RNF130: variants seen among roughly 807,000 people sequenced by gnomAD.
RNF130 encodes the protein ring finger protein 130.
RNF130 carries 21 observed loss-of-function variants against 44.6 expected under a neutral mutation model. The ratio of observed to expected loss-of-function variants is 0.47; its 90% CI spans 0.33 to 0.68. The LOEUF is 0.68. Among genes scored for constraint, RNF130 ranks in the 30% least tolerant of loss-of-function variants. The pLI, the probability that RNF130 is intolerant of heterozygous loss-of-function variation, is 0.02. For missense variants in RNF130, 479 were observed against 560.6 expected, an observed-to-expected ratio of 0.85 and a Z score of 1.47; for synonymous variants, 214 against 210.4, an observed-to-expected ratio of 1.02 and a Z score of -0.15.
chr5:180,033,683 G>A (rs962846529), intron 2 of RNF130, among the ~76,000 whole-genome samples: 7 of 108,116 alleles, frequency 6.5e-5, no homozygotes, highest in African/African-American at 1.5e-4. Flanking sequence ...GCAACAGAGC[G>A]AGACTCTGCC....
chr5:179,956,732 C>T (rs1384249098), intron 8 of RNF130, among the ~76,000 whole-genome samples: 1 of 152,244 alleles, frequency 6.6e-6, no homozygotes, highest in East Asian at 1.9e-4. Flanking sequence ...GGCAGCTCCG[C>T]AGGCATGACC....
At chr5:179,994,189 TGCG>T in intron 3 of RNF130, among the ~76,000 whole-genome samples, 1 of 151,804 alleles carries the variant, frequency 6.6e-6, no homozygotes, top group East Asian at 1.9e-4. Flanking sequence ...TTTTGGCTTA[TGCG>T]GGCTCTTTTT....
chr5:179,992,871 CTCT>C (rs1479607183), intron 3 of RNF130, among the ~76,000 whole-genome samples: 1 of 152,188 alleles, frequency 6.6e-6, no homozygotes, highest in Non-Finnish European at 1.5e-5. Flanking sequence ...CTATCCCTCC[CTCT>C]TCCCCCCAAC....
At chr5:180,029,935 GC>G (rs1431275017) in intron 2 of RNF130, among the ~76,000 whole-genome samples, 1 of 150,320 alleles carries the variant, frequency 6.7e-6, no homozygotes, top group Non-Finnish European at 1.5e-5. Flanking sequence ...TGAAACCTCT[GC>G]CTCCTGGGTT....
chr5:180,028,840 T>C (rs1369672977), intron 2 of RNF130, among the ~76,000 whole-genome samples: 10 of 152,124 alleles, frequency 6.6e-5, no homozygotes. Context: ...ACCAGGAGAA[T>C]GAAGAAAAAG....
chr5:179,944,570 T>C (rs1237335723), intron 7 of RNF130, among the ~76,000 whole-genome samples: 1 of 151,928 alleles, frequency 6.6e-6, no homozygotes, highest in African/African-American at 2.4e-5. Context: ...TTCAAGCAAT[T>C]TCTCCTGCCT....
In RNF130 at chr5:179,963,139, C is replaced by T. The variant is rs1215459335; in HGVS notation, c.1244+332G>A. 3.3e-5 allele frequency among the ~76,000 whole-genome samples: 5 copies of T among 152,228 alleles called. No homozygotes were observed. The East Asian group carries it at 5.8e-4, about 18-fold the overall frequency. On this transcript the variant is annotated intron_variant, in intron 8 of 8. Coordinates refer to ENST00000521389, the MANE Select transcript of RNF130 (RefSeq NM_018434.6). Reference sequence around the variant, plus strand: ...ACGCAAAGTGGGCTCTTCCCATCAGCGATGAGGATGCTGACAGCCTTTTAC... The same window carrying T: ...ACGCAAAGTGGGCTCTTCCCATCAGTGATGAGGATGCTGACAGCCTTTTAC...
chr5:179,975,727 G>C (rs1762703310), intron 5 of RNF130, among the ~76,000 whole-genome samples: 3 of 152,168 alleles, frequency 2.0e-5, no homozygotes, highest in African/African-American at 7.2e-5. Flanking sequence ...CAGTGACCCA[G>C]TACTGAAAGA....
chr5:180,057,800 A>G (rs973995338), intron 1 of RNF130, among the ~76,000 whole-genome samples: 2 of 152,186 alleles, frequency 1.3e-5, no homozygotes, highest in African/African-American at 4.8e-5. Context: ...CCTGAGTTCT[A>G]TGAGCTGTTA....
intron 7 of RNF130, chr5:179,939,478 C>G (rs764409393): frequency 1.5e-4 from 29 of 194,972 alleles, no homozygotes; most frequent in Non-Finnish European, 2.5e-4. Flanking sequence ...ACTTTGCATG[C>G]AAGCGCAGCA....
chr5:180,053,014 C>T (rs1764724025), intron 1 of RNF130, among the ~76,000 whole-genome samples: 1 of 152,126 alleles, frequency 6.6e-6, no homozygotes, highest in Non-Finnish European at 1.5e-5. Flanking sequence ...GATTTTATGT[C>T]AAGATAATGT....
intron 3 of RNF130, among the ~76,000 whole-genome samples, chr5:179,989,792 T>C (rs1484703363): frequency 6.6e-6 from 1 of 152,144 alleles, no homozygotes; most frequent in Non-Finnish European, 1.5e-5. Context: ...TGTAAATTCT[T>C]TGTTTTATTT....
intron 1 of RNF130, among the ~76,000 whole-genome samples, chr5:180,050,243 G>A (rs546909822): frequency 6.6e-6 from 1 of 152,192 alleles, no homozygotes; most frequent in Non-Finnish European, 1.5e-5. Flanking sequence ...GGGTGAGCTG[G>A]CAGGCTGGAG....
Position 179,933,398 on chromosome 5 carries a change from T to TTGTGTGTGTGTGTGTGTGTGTGTGTGTG in RNF130, c.1151-12973_1151-12972insCACACACACACACACACACACACACACA, listed in dbSNP as rs71001060. Among the ~76,000 whole-genome samples the TTGTGTGTGTGTGTGTGTGTGTGTGTGTG allele has an allele frequency of 8.4e-3, 1,200 of 143,464 alleles. 23 individuals are homozygous for TTGTGTGTGTGTGTGTGTGTGTGTGTGTG. The highest frequency in any genetic ancestry group is 0.025 in the African/African-American group (943 of 38,344). The allele number at this position is 143,464 out of a possible 152,430, so 94.1% of individuals were successfully genotyped here. ...ACTAACAATGTTCTCATAACCCTAT[T>TTGTGTGTGTGTGTGTGTGTGTGTGTGTG]TGTGTGTGTGTGTGTGTGTGTGTGA... On this transcript the variant is annotated intron_variant, in intron 7 of 7. Transcript: ENST00000522208.
In RNF130 at chr5:180,000,817, ATCTC is replaced by A. The variant is rs149911423; in HGVS notation, c.693+12240_693+12243del. On this transcript the variant is annotated intron_variant, in intron 3 of 8. Transcript: ENST00000521389. ...ATTGATTGTCTACACGTTTTCTTGT[ATCTC>A]TCTGAGTTTCCATACGATCATAATT... Among the ~76,000 whole-genome samples the A allele has an allele frequency of 3.1e-3, 479 of 152,274 alleles. 1 individual carries two copies. Among genetic ancestry groups the A allele is most frequent in the Non-Finnish European group, 5.5e-3 (373 of 68,016 alleles).
At chr5:179,933,419 T>TGTGTGTGTGTGTGTGTGTGTGTGTGA (rs1391165326) in intron 7 of RNF130, among the ~76,000 whole-genome samples, 1 of 151,930 alleles carries the variant, frequency 6.6e-6, no homozygotes, top group Non-Finnish European at 1.5e-5. Context: ...TGTGTGTGTG[T>TGTGTGTGTGTGTGTGTGTGTGTGTGA]GTGAGTGTGT....
intron 3 of RNF130, among the ~76,000 whole-genome samples, chr5:179,991,800 C>T (rs1808088): frequency 0.11 from 17,359 of 151,896 alleles, 2,154 homozygotes; most frequent in African/African-American, 0.32. Flanking sequence ...TACAAATCAC[C>T]ATAACGTAGA....
chr5:180,027,427 C>T (rs772578085), intron 2 of RNF130, among the ~76,000 whole-genome samples: 1 of 152,170 alleles, frequency 6.6e-6, no homozygotes, highest in Non-Finnish European at 1.5e-5. Context: ...TTATGGCATA[C>T]GAAAGTCAGA....
At chr5:180,060,863 A>T (rs183673049) in intron 1 of RNF130, among the ~76,000 whole-genome samples, 1 of 152,206 alleles carries the variant, frequency 6.6e-6, no homozygotes, top group African/African-American at 2.4e-5. Context: ...AGGTCGGGCG[A>T]TCGAGACCAT....
Sources: allele counts gnomAD v4.1 joint callset (sites outside exome capture counted in the v4.1 genomes callset), GRCh38; gene constraint gnomAD v4.1.1; transcripts MANE v1.5; gene names NCBI Gene and HGNC (gene_info 2026-07-23, HGNC 2026-07-21).